TUBGCP6: variants seen among roughly 807,000 people sequenced by gnomAD.
The protein encoded by TUBGCP6 is tubulin gamma complex component 6.
A neutral mutation model predicts 175.8 loss-of-function variants in TUBGCP6; 161 were observed. That is an observed-to-expected ratio of 0.92 (90% CI 0.81 to 1.04). The LOEUF is 1.04. Among genes scored for constraint, TUBGCP6 ranks in the 50% least tolerant of loss-of-function variants. TUBGCP6 has a pLI of 0.00. For missense variants in TUBGCP6, 2,572 were observed against 2,433.0 expected (o/e 1.06, Z -1.20); for synonymous variants, 1,173 against 1,030.5 (o/e 1.14, Z -2.65).
rs2064893557 is a variant in TUBGCP6, at chr22:50,244,496, A to G, written c.-37T>C. The G allele has an allele frequency of 3.8e-6, 6 of 1,572,766 alleles. No homozygotes were observed. The highest frequency in any genetic ancestry group is 5.2e-6 in the Non-Finnish European group (6 of 1,161,336). On this transcript the variant is annotated 5_prime_UTR_variant, in exon 1 of 25. Transcript: ENST00000248846. ...GCTCCGGGCCCCCGGCGTGTGGGAA[A>G]ACACCTCACCCGGGCTTCACTCACG...
chr22:50,236,864 C>T (rs1179092606), intron 2 of TUBGCP6, among the ~76,000 whole-genome samples: 3 of 152,190 alleles, frequency 2.0e-5, no homozygotes, highest in Admixed American at 6.5e-5. Context: ...TTTCCCCCTG[C>T]AGCCACTTCC....
At chr22:50,240,823 T>C (rs1186401556) in intron 1 of TUBGCP6, among the ~76,000 whole-genome samples, 3 of 152,148 alleles carry the variant, frequency 2.0e-5, no homozygotes, top group Admixed American at 6.5e-5. Context: ...ACCCCGTCTC[T>C]ACTAAAAATA....
rs368225882 is a variant in TUBGCP6, at chr22:50,226,492, G to A, written c.1602-114C>T. 1.2e-4 allele frequency: 120 copies of A among 963,540 alleles called. 2 individuals carry two copies. The South Asian group carries it at 1.5e-3, about 12-fold the overall frequency. 59.7% of individuals were successfully genotyped at this position (963,540 alleles called of 1,614,324 possible). ...CTGTCAGTGAGGGGCAAGTGGGGGC[G>A]TAGCTGTGAGAGGTGGAGTGGGGTG... On this transcript the variant is annotated intron_variant, in intron 7 of 24. Transcript: ENST00000248846.
rs1353369121 is a variant in TUBGCP6 at position 50,219,214 on chromosome 22, C to CA, written c.4485-6dup. On this transcript the variant is annotated splice_region_variant and splice_polypyrimidine_tract_variant and intron_variant, in intron 19 of 24. Transcript: ENST00000248846. ...GCCTTGTTCACCAAGGAGATGCTGG[C>CA]AGGAGGGAGCTGGAGTCAGGGCGGG... 3 of 1,610,744 alleles carry CA rather than the reference C, an allele frequency of 1.9e-6. No homozygotes were observed. In the Admixed American group the frequency reaches 5.0e-5, roughly 27 times the overall value.
In TUBGCP6 at chr22:50,221,431, G is replaced by C; in HGVS notation, c.2928C>G (p.Ser976Arg). ...ACAGCTGTAGCCCTGAGCTGCCCAA[G>C]CTGCACTCTGCAGCCTGCAGGGGCC... ...APGPLQAAEC[S>R]LGSSGLQLWE... Residue 976 changes from serine to arginine, a missense_variant, in exon 16 of 25, where the codon AGC becomes AGG. Transcript: ENST00000248846. 1 of 1,600,076 alleles carries C rather than the reference G, an allele frequency of 6.2e-7. No homozygotes were observed. Among genetic ancestry groups the C allele is most frequent in the Non-Finnish European group, 8.5e-7 (1 of 1,176,032 alleles).
At chr22:50,242,109 G>A (rs185829074) in intron 1 of TUBGCP6, among the ~76,000 whole-genome samples, 15 of 151,472 alleles carry the variant, frequency 9.9e-5, no homozygotes, top group East Asian at 3.9e-4. Context: ...TGGCTAACAC[G>A]GTGAAACCCC....
chr22:50,244,648 G>T lies in TUBGCP6; in HGVS notation c.-189C>A. On this transcript the variant is annotated 5_prime_UTR_variant, in exon 1 of 25. Transcript: ENST00000248846. The stretch of plus-strand genomic sequence containing the variant: ...CGGTTGCTCTACTCAGAGTAAACAC[G>T]CCCTGCCCTCCCCAGTCCAAGCACG... The T allele has an allele frequency of 1.0e-6, 1 of 955,538 alleles. No individual in the cohort carries two copies. Among genetic ancestry groups the T allele is most frequent in the Non-Finnish European group, 1.5e-6 (1 of 670,378 alleles). The allele number at this position is 955,538 out of a possible 1,614,324, so 59.2% of individuals were successfully genotyped here.
chr22:50,228,004 A>AC lies in TUBGCP6; in HGVS notation c.1314dup (p.Tyr439ValfsTer128), dbSNP rs1427049971. Reference sequence around the variant, plus strand: ...ACGCAGGCCCGGTAATACTGCAGGTACCTCCTCAGGCCACTGGTGAAGGCC... The same window carrying AC: ...ACGCAGGCCCGGTAATACTGCAGGTACCCTCCTCAGGCCACTGGTGAAGGCC... On this transcript the variant is annotated frameshift_variant, in exon 5 of 25. Coordinates refer to ENST00000248846, the MANE Select transcript of TUBGCP6 (RefSeq NM_020461.4). LOFTEE classifies it high-confidence loss of function. 3 of 1,565,886 alleles carry AC rather than the reference A, an allele frequency of 1.9e-6. No homozygotes were observed. The highest frequency in any genetic ancestry group is 1.2e-5 in the South Asian group (1 of 84,704).
intron 4 of TUBGCP6, among the ~76,000 whole-genome samples, chr22:50,228,757 C>T (rs2064651552): frequency 6.6e-6 from 1 of 152,104 alleles, no homozygotes; most frequent in African/African-American, 2.4e-5. Context: ...AAAACCTACA[C>T]CTCACCACAT....
intron 1 of TUBGCP6, among the ~76,000 whole-genome samples, chr22:50,242,580 A>G (rs1419620952): frequency 1.3e-5 from 2 of 152,256 alleles, no homozygotes; most frequent in African/African-American, 2.4e-5. Context: ...ATCGCATAAG[A>G]ATAGAACGAC....
chr22:50,242,727 T>C (rs1346851978), intron 1 of TUBGCP6, among the ~76,000 whole-genome samples: 2 of 152,196 alleles, frequency 1.3e-5, no homozygotes, highest in Non-Finnish European at 1.5e-5. Flanking sequence ...TTACAGAACA[T>C]GAACACTTTT....
chr22:50,224,139 A>ACCT lies in TUBGCP6; in HGVS notation c.2269_2270+1dup, dbSNP rs1353096271. The ACCT allele has an allele frequency of 6.2e-7, 1 of 1,612,240 alleles. No homozygotes were observed. The highest frequency in any genetic ancestry group is 1.3e-5 in the African/African-American group (1 of 74,838). ...CTGGGCCTGGAGCCCGGGCTGCCCT[A>ACCT]CCTCGCCTTCCTCTCCAGCTCCTCC... is the stretch of plus-strand genomic sequence containing the variant. On this transcript the variant is annotated splice_donor_variant, in intron 13 of 24. Coordinates refer to ENST00000248846, the MANE Select transcript of TUBGCP6 (RefSeq NM_020461.4). LOFTEE classifies it high-confidence loss of function.
intron 3 of TUBGCP6, among the ~76,000 whole-genome samples, chr22:50,229,982 T>A (rs887755345): frequency 6.6e-6 from 1 of 152,086 alleles, no homozygotes; most frequent in Non-Finnish European, 1.5e-5. Flanking sequence ...CTCCACAGTA[T>A]GTTTATAACC....
Position 50,221,744 on chromosome 22 carries a change from A to G in TUBGCP6, c.2615T>C (p.Leu872Pro). The G allele has an allele frequency of 6.6e-7, 1 of 1,516,788 alleles. No homozygotes were observed. Among genetic ancestry groups the G allele is most frequent in the Non-Finnish European group, 8.8e-7 (1 of 1,133,774 alleles). 94.0% of individuals were successfully genotyped at this position (1,516,788 alleles called of 1,614,324 possible). ...CCCCCTGCCACCAGCCCCCACTGCT[A>G]GAGGCTTAAGGGGCTGTGGGGTCAG... ...GLLTPQPLKP[L>P]AVGAGGRGLQ... Residue 872 changes from leucine to proline, a missense_variant, in exon 16 of 25, where the codon CTA (leucine) becomes CCA (proline). Leu to Pro is a moderately conservative substitution (Grantham distance 98). Transcript: ENST00000248846.
At chr22:50,227,824 G>A in intron 5 of TUBGCP6, 83 bp downstream of exon 5, 1 of 1,520,786 alleles carries the variant, frequency 6.6e-7, no homozygotes, top group Non-Finnish European at 8.8e-7. Context: ...CCTTGCCAGG[G>A]AGCAGGGCAA....
chr22:50,244,519 A>G lies in TUBGCP6; in HGVS notation c.-60T>C. On this transcript the variant is annotated 5_prime_UTR_variant, in exon 1 of 25. Coordinates refer to ENST00000248846, the MANE Select transcript of TUBGCP6 (RefSeq NM_020461.4). ...AAAACACCTCACCCGGGCTTCACTC[A>G]CGCTCCGGAAGACAGGGAGTGAGAG... 6.6e-7 allele frequency: 1 copy of G among 1,518,548 alleles called. No homozygotes were observed. Among genetic ancestry groups the G allele is most frequent in the Non-Finnish European group, 8.8e-7 (1 of 1,136,226 alleles). 94.1% of individuals were successfully genotyped at this position (1,518,548 alleles called of 1,614,324 possible). A position where few individuals can be genotyped will look rare whatever the true frequency, so the allele number is the denominator to read the frequency against.
At position 50,244,318 on chromosome 22, in the gene TUBGCP6, T is replaced by A. The variant is rs2064889865; in HGVS notation, c.142A>T (p.Asn48Tyr). The A allele has an allele frequency of 2.5e-6, 4 of 1,613,608 alleles. No individual in the cohort carries two copies. In the East Asian group the frequency reaches 8.9e-5, roughly 36 times the overall value. ...TGTTGAGTCTCATCTTGAAAAAGATTTGTGAAAAGAGCATTGTAGGCCACC... is the reference window on the plus strand; with the variant it reads ...TGTTGAGTCTCATCTTGAAAAAGATATGTGAAAAGAGCATTGTAGGCCACC... ...KKVAYNALFT[N>Y]LFQDETQQLQ... Residue 48 changes from asparagine to tyrosine, a missense_variant, in exon 1 of 25, where the codon AAT (asparagine) becomes TAT (tyrosine). Physicochemically the swap from Asn to Tyr is moderately radical, Grantham distance 143 (BLOSUM62 -2). Coordinates refer to ENST00000248846, the MANE Select transcript of TUBGCP6 (RefSeq NM_020461.4).
At chr22:50,230,658 G>T (rs1226385332) in intron 3 of TUBGCP6, among the ~76,000 whole-genome samples, 16 of 149,512 alleles carry the variant, frequency 1.1e-4, no homozygotes, top group Admixed American at 1.1e-3. Context: ...ATGCCTGTTG[G>T]TCCCAGCTAC....
At position 50,224,426 on chromosome 22, in the gene TUBGCP6, T is replaced by G. The variant is rs368765755; in HGVS notation, c.2066-6A>C. On this transcript the variant is annotated splice_region_variant and splice_polypyrimidine_tract_variant and intron_variant, in intron 11 of 24. Coordinates refer to ENST00000248846, the MANE Select transcript of TUBGCP6 (RefSeq NM_020461.4). ...CCGTTCTGACATCTGCCGGTCTACA[T>G]TGGGACAGTAAGGGGCGCACTGTCA... 1 of 1,614,028 alleles carries G rather than the reference T, an allele frequency of 6.2e-7. No homozygotes were observed. Among genetic ancestry groups the G allele is most frequent in the East Asian group, 2.2e-5 (1 of 44,900 alleles).
Sources: gnomAD v4.1 joint callset for allele counts (sites outside exome capture counted in the v4.1 genomes callset) on GRCh38, gnomAD v4.1.1 for gene constraint, MANE v1.5 for transcripts, NCBI Gene and HGNC (gene_info 2026-07-23, HGNC 2026-07-21) for gene names.